SHISA6: variants seen among roughly 807,000 people sequenced by gnomAD.
SHISA6 encodes the protein protein shisa-6.
Under a neutral mutation model 47.9 loss-of-function variants are expected in SHISA6, and 22 were observed. The observed-to-expected ratio is 0.46, with a 90% CI of 0.33 to 0.66. The LOEUF (loss-of-function observed/expected upper bound fraction) is 0.66. SHISA6 is among the 30% of genes least tolerant of loss of function. The pLI is 0.02. For synonymous variants in SHISA6, 388 were observed against 337.8 expected, an observed-to-expected ratio of 1.15 and a Z score of -1.63; for missense variants, 680 against 764.6, an observed-to-expected ratio of 0.89 and a Z score of 1.30.
chr17:11,515,313 A>AGGAAGG (rs2071575180), intron 3 of SHISA6, among the ~76,000 whole-genome samples: 18 of 130,890 alleles, frequency 1.4e-4, no homozygotes, highest in African/African-American at 5.3e-4. Flanking sequence ...GAAGAAAGAA[A>AGGAAGG]AAGGAAGGAA....
At chr17:11,518,664 A>G (rs934072102) in intron 3 of SHISA6, among the ~76,000 whole-genome samples, 2 of 152,190 alleles carry the variant, frequency 1.3e-5, no homozygotes, top group Non-Finnish European at 2.9e-5. Context: ...AATCACCTAG[A>G]GAGTTTTTAA....
chr17:11,333,746 C>T (rs75748852), intron 2 of SHISA6, among the ~76,000 whole-genome samples: 1,618 of 152,194 alleles, frequency 0.011, 28 homozygotes, highest in African/African-American at 0.037. Context: ...AACTCCTGAC[C>T]TCAGGTGGCT....
At chr17:11,359,165 G>T (rs558802406) in intron 2 of SHISA6, among the ~76,000 whole-genome samples, 27 of 152,204 alleles carry the variant, frequency 1.8e-4, no homozygotes, top group African/African-American at 6.0e-4. Context: ...TGACCTATGT[G>T]TCCTCTTTTT....
chr17:11,241,813 A>C lies in SHISA6; in HGVS notation c.391A>C (p.Lys131Gln). 1 of 1,550,836 alleles carries C rather than the reference A, an allele frequency of 6.4e-7. No individual in the cohort carries two copies. Among genetic ancestry groups the C allele is most frequent in the Admixed American group, 2.0e-5 (1 of 51,000 alleles). The change falls in exon 1 of 6, where the codon AAG (lysine) becomes CAG (glutamine). Residue 131 changes from lysine (K) to glutamine (Q), a missense_variant. By Grantham distance (53) the Lys-to-Gln change is moderately conservative. This residue lies in a region of SHISA6 where 559 missense variants were observed against 674.1 expected (regional missense o/e 0.83). Coordinates refer to ENST00000441885, the MANE Select transcript of SHISA6 (RefSeq NM_207386.4). This position sits in a 1 kb window ranked among gnomAD's most constrained non-coding sequence, Gnocchi z 5.5. ...CGTCYYRFCC[K>Q]KRHEKLDQRQ... Reference sequence around the variant, plus strand: ...TACCTGCTACTACCGCTTCTGCTGCAAGAAGCGCCACGAGAAGCTGGACCA... The same window carrying C: ...TACCTGCTACTACCGCTTCTGCTGCCAGAAGCGCCACGAGAAGCTGGACCA...
rs140886182 is a variant in SHISA6 at position 11,369,860 on chromosome 17, G to C, written c.800-9554G>C. 2.5e-3 allele frequency among the ~76,000 whole-genome samples: 383 copies of C among 152,216 alleles called. 4 individuals carry two copies. The highest frequency in any genetic ancestry group is 8.3e-3 in the African/African-American group (344 of 41,532). On this transcript the variant is annotated intron_variant, in intron 2 of 5. Transcript: ENST00000441885. ...TGAGGAGAAAATAAATGGCGCGCTGGGGTCCCCTGAAATAGAACTCAGCCT... is the reference window on the plus strand; with the variant it reads ...TGAGGAGAAAATAAATGGCGCGCTGCGGTCCCCTGAAATAGAACTCAGCCT...
chr17:11,301,849 G>A (rs928809443), intron 2 of SHISA6, among the ~76,000 whole-genome samples: 3 of 152,126 alleles, frequency 2.0e-5, no homozygotes, highest in South Asian at 2.1e-4. Flanking sequence ...CCTTGTATTC[G>A]TCCGTTTTCA....
Position 11,406,346 on chromosome 17 carries a change from T to C in SHISA6, c.895+26837T>C, listed in dbSNP as rs539805952. On this transcript the variant is annotated intron_variant, in intron 3 of 5. Transcript: ENST00000441885. ...TCTTCCACCTTCTTCAAGTCATCTG[T>C]ACCTCTGAGCTCTTGCACACTGTGC... Among the ~76,000 whole-genome samples, 18 of 152,352 alleles carry C rather than the reference T, an allele frequency of 1.2e-4. No individual in the cohort carries two copies. In the South Asian group the frequency reaches 3.5e-3, roughly 30 times the overall value.
chr17:11,549,103 TA>T (rs1413552400), intron 3 of SHISA6, among the ~76,000 whole-genome samples: 2 of 152,220 alleles, frequency 1.3e-5, no homozygotes, highest in South Asian at 2.1e-4. Context: ...TAATTCATTT[TA>T]AAAACTACAG....
chr17:11,475,600 G>A (rs1484725491), intron 3 of SHISA6, among the ~76,000 whole-genome samples: 1 of 151,980 alleles, frequency 6.6e-6, no homozygotes, highest in Non-Finnish European at 1.5e-5. Context: ...TTTTAAAGTT[G>A]AGCCAGCTTT....
chr17:11,469,831 G>C (rs1250380098), intron 3 of SHISA6, among the ~76,000 whole-genome samples: 1 of 152,186 alleles, frequency 6.6e-6, no homozygotes, highest in East Asian at 1.9e-4. Context: ...TACTGTGATA[G>C]AAATCCTTAC....
chr17:11,453,991 G>A (rs980252412), intron 3 of SHISA6, among the ~76,000 whole-genome samples: 3 of 152,086 alleles, frequency 2.0e-5, no homozygotes, highest in Non-Finnish European at 4.4e-5. Context: ...ACTTCTCTTG[G>A]GTAAATATCT....
At chr17:11,471,700 G>A (rs889219100) in intron 3 of SHISA6, among the ~76,000 whole-genome samples, 3 of 152,128 alleles carry the variant, frequency 2.0e-5, no homozygotes, top group Non-Finnish European at 2.9e-5. Flanking sequence ...TTTAGACTAG[G>A]GACCGTGGAG....
At chr17:11,357,954 C>T (rs1912129204) in intron 2 of SHISA6, among the ~76,000 whole-genome samples, 1 of 152,120 alleles carries the variant, frequency 6.6e-6, no homozygotes, top group African/African-American at 2.4e-5. Flanking sequence ...TTGTCTTCCC[C>T]TAAGGAAGTT....
chr17:11,296,679 G>A (rs547264081), intron 2 of SHISA6, among the ~76,000 whole-genome samples: 1 of 152,176 alleles, frequency 6.6e-6, no homozygotes, highest in East Asian at 1.9e-4. Context: ...TGGAAGTGAT[G>A]GGGGGATGTC....
At chr17:11,412,105 C>G (rs908457591) in intron 3 of SHISA6, among the ~76,000 whole-genome samples, 1 of 152,132 alleles carries the variant, frequency 6.6e-6, no homozygotes, top group African/African-American at 2.4e-5. Context: ...AAAAGATGAG[C>G]TTTGAAGATC....
At chr17:11,414,947 G>A (rs1029857198) in intron 3 of SHISA6, among the ~76,000 whole-genome samples, 6 of 152,014 alleles carry the variant, frequency 3.9e-5, no homozygotes, top group Admixed American at 6.6e-5. Context: ...TTAGCCGGGC[G>A]TGGTGGCACA....
At chr17:11,244,081 C>G (rs570619529) in intron 1 of SHISA6, among the ~76,000 whole-genome samples, 8 of 152,292 alleles carry the variant, frequency 5.3e-5, no homozygotes, top group African/African-American at 7.2e-5. Context: ...ATGCCCCTTA[C>G]GCCAAACTAG....
chr17:11,441,411 A>G (rs1915089662), intron 3 of SHISA6, among the ~76,000 whole-genome samples: 1 of 152,206 alleles, frequency 6.6e-6, no homozygotes, highest in Non-Finnish European at 1.5e-5. Context: ...GGAAGGTGTG[A>G]AACCATCTAA....
rs564794485 is a variant in SHISA6, at chr17:11,428,441, T to C, written c.895+48932T>C. On this transcript the variant is annotated intron_variant, in intron 3 of 5. Transcript: ENST00000441885. The stretch of plus-strand genomic sequence containing the variant: ...CCAGATTTAATGCAAGGTCTGTCCT[T>C]GTTTGAAGGAGGGAGGCTGAGCATG... Among the ~76,000 whole-genome samples the C allele has an allele frequency of 2.4e-3, 373 of 152,320 alleles. 6 individuals carry two copies. The highest frequency in any genetic ancestry group is 8.4e-3 in the African/African-American group (348 of 41,576).
Sources: allele counts gnomAD v4.1 joint callset (sites outside exome capture counted in the v4.1 genomes callset), GRCh38; gene constraint gnomAD v4.1.1; regional missense constraint gnomAD v4.1.1; non-coding constraint Gnocchi (gnomAD v3.1); transcripts MANE v1.5; gene names NCBI Gene and HGNC (gene_info 2026-07-23, HGNC 2026-07-21).